PCDHGA1: variants seen among roughly 807,000 people sequenced by gnomAD.
PCDHGA1 encodes the protein protocadherin gamma-A1.
A neutral mutation model predicts 58.0 loss-of-function variants in PCDHGA1; 32 were observed. The observed-to-expected ratio is 0.55, with a 90% CI of 0.42 to 0.74. PCDHGA1 has a LOEUF of 0.74. PCDHGA1 is among the 30% of genes least tolerant of loss of function. The pLI is 0.00. For synonymous variants in PCDHGA1, 498 were observed against 501.1 expected, an observed-to-expected ratio of 0.99 and a Z score of 0.08; for missense variants, 1,205 against 1,182.3, an observed-to-expected ratio of 1.02 and a Z score of -0.28.
At chr5:141,417,784 G>T in intron 1 of PCDHGA1, 2 of 1,474,908 alleles carry the variant, frequency 1.4e-6, no homozygotes, top group Non-Finnish European at 9.0e-7. Context: ...GTCCTGGGCC[G>T]AATGCTCTTT....
At chr5:141,345,420 G>C in intron 1 of PCDHGA1, 1 of 1,613,994 alleles carries the variant, frequency 6.2e-7, no homozygotes, top group Middle Eastern at 1.6e-4. Flanking sequence ...CTACATTCCA[G>C]AAAACAACCC....
intron 1 of PCDHGA1, among the ~76,000 whole-genome samples, chr5:141,482,605 C>T (rs2099569133): frequency 6.7e-6 from 1 of 150,032 alleles, no homozygotes; most frequent in Admixed American, 6.6e-5. Flanking sequence ...GAAAAAACAC[C>T]TAAATGAGCC....
chr5:141,367,935 G>A (rs951282993), intron 1 of PCDHGA1, among the ~76,000 whole-genome samples: 2 of 152,044 alleles, frequency 1.3e-5, no homozygotes, highest in African/African-American at 4.8e-5. Flanking sequence ...CTTAAAGATG[G>A]TTCAAAATTT....
intron 1 of PCDHGA1, chr5:141,410,815 T>C: frequency 1.8e-6 from 1 of 553,722 alleles, no homozygotes; most frequent in Non-Finnish European, 2.9e-6. Context: ...TTTTGTAAAA[T>C]AATGTCACCA....
intron 1 of PCDHGA1, chr5:141,414,991 G>T (rs1162432290): frequency 1.9e-6 from 3 of 1,613,766 alleles, no homozygotes; most frequent in Non-Finnish European, 1.7e-6. Flanking sequence ...CGGCCAGAAC[G>T]CCTGGCTGTC....
At chr5:141,339,835 C>T (rs1756882447) in intron 1 of PCDHGA1, 2 of 1,614,062 alleles carry the variant, frequency 1.2e-6, no homozygotes, top group Non-Finnish European at 1.7e-6. Context: ...CTGGAGAAAC[C>T]TCAGAGGTAT....
chr5:141,365,897 G>C, intron 1 of PCDHGA1: 1 of 1,614,214 alleles, frequency 6.2e-7, no homozygotes, highest in East Asian at 2.2e-5. Flanking sequence ...CTTCGACTAT[G>C]AGCAGTTGAG....
intron 1 of PCDHGA1, chr5:141,398,834 A>T: frequency 6.2e-7 from 1 of 1,614,014 alleles, no homozygotes; most frequent in Non-Finnish European, 8.5e-7. Context: ...ACCGACGCCA[A>T]TGATAATCCC....
intron 1 of PCDHGA1, chr5:141,404,304 C>T (rs1182256144): frequency 1.2e-6 from 2 of 1,613,858 alleles, no homozygotes; most frequent in African/African-American, 2.7e-5. Flanking sequence ...AATCCACCTG[C>T]TTTCTCTCAA....
chr5:141,418,740 T>C, intron 1 of PCDHGA1: 1 of 1,613,972 alleles, frequency 6.2e-7, no homozygotes, highest in Admixed American at 1.7e-5. Context: ...GTGTTCTCTC[T>C]GGATTACACT....
At chr5:141,470,736 C>A (rs541510544) in intron 1 of PCDHGA1, among the ~76,000 whole-genome samples, 1 of 152,092 alleles carries the variant, frequency 6.6e-6, no homozygotes, top group Non-Finnish European at 1.5e-5. Context: ...CTTGCTCTGT[C>A]GCCCTGGCTG....
rs1417059875 is a variant in PCDHGA1 at position 141,496,499 on chromosome 5, G to C, written c.2480+1634G>C. 2.6e-5 allele frequency among the ~76,000 whole-genome samples: 4 copies of C among 152,102 alleles called. No individual in the cohort carries two copies. In the East Asian group the frequency reaches 7.7e-4, roughly 29 times the overall value. On this transcript the variant is annotated intron_variant, in intron 2 of 3. Coordinates refer to ENST00000517417, the MANE Select transcript of PCDHGA1 (RefSeq NM_018912.3). ...TCCTGCAACCAACCAAACCCTTGTT[G>C]CCACAAGGACCCAGGAGCCCTTGGT...
intron 1 of PCDHGA1, chr5:141,423,804 T>A: frequency 8.1e-7 from 1 of 1,240,508 alleles, no homozygotes; most frequent in Non-Finnish European, 1.0e-6. Context: ...GAGCAATACA[T>A]GTGAGTTTTA....
chr5:141,408,833 A>G, intron 1 of PCDHGA1: 1 of 1,613,704 alleles, frequency 6.2e-7, no homozygotes, highest in Non-Finnish European at 8.5e-7. Context: ...TCATAGCTTG[A>G]TATTGACTGC....
chr5:141,511,486 TC>T lies in PCDHGA1; in HGVS notation c.*315del. The T allele has an allele frequency of 2.2e-6, 1 of 449,906 alleles. No homozygotes were observed. 27.9% of individuals were successfully genotyped at this position (449,906 alleles called of 1,614,324 possible). A position where few individuals can be genotyped will look rare whatever the true frequency, so the allele number is the denominator to read the frequency against. On this transcript the variant is annotated 3_prime_UTR_variant, in exon 4 of 4. Transcript: ENST00000517417. ...CCCCGTTTAGTTACAGCTGAACTCC[TC>T]CATCTTCCAAATCAATCAGGCCCAT...
intron 1 of PCDHGA1, chr5:141,383,740 T>C: frequency 6.2e-7 from 1 of 1,614,008 alleles, no homozygotes. Context: ...GACATATTCT[T>C]TTCGGAAAAT....
intron 1 of PCDHGA1, chr5:141,400,296 C>T (rs2093998279): frequency 6.2e-7 from 1 of 1,614,076 alleles, no homozygotes. Context: ...GGAGCTGCTT[C>T]CAACCTGGTC....
Position 141,486,243 on chromosome 5 carries a change from G to T in PCDHGA1, c.2422-8564G>T. ...TACATCACAGTGACCTCAGAGCTTG[G>T]AACCCTCCCCGAGAGTGCAGAACCT... is the stretch of plus-strand genomic sequence containing the variant. On this transcript the variant is annotated intron_variant, in intron 1 of 3. Coordinates refer to ENST00000517417, the MANE Select transcript of PCDHGA1 (RefSeq NM_018912.3). The surrounding 1 kb of genome is among the most constrained non-coding windows in gnomAD (Gnocchi z 5.0). 1 of 1,614,156 alleles carries T rather than the reference G, an allele frequency of 6.2e-7. No individual in the cohort carries two copies. Among genetic ancestry groups the T allele is most frequent in the Non-Finnish European group, 8.5e-7 (1 of 1,180,018 alleles).
At chr5:141,409,995 C>A (rs777416137) in intron 1 of PCDHGA1, 2 of 1,613,308 alleles carry the variant, frequency 1.2e-6, no homozygotes, top group Admixed American at 3.3e-5. Flanking sequence ...GACGCCGACT[C>A]GGGACACAAC....
Sources: gnomAD v4.1 joint callset for allele counts (sites outside exome capture counted in the v4.1 genomes callset) on GRCh38, gnomAD v4.1.1 for gene constraint, Gnocchi (gnomAD v3.1) non-coding constraint, MANE v1.5 for transcripts, NCBI Gene and HGNC (gene_info 2026-07-23, HGNC 2026-07-21) for gene names.